CDH4: variants seen among roughly 807,000 people sequenced by gnomAD.
CDH4 encodes the protein cadherin-4.
Under a neutral mutation model 86.0 loss-of-function variants are expected in CDH4, and 33 were observed. That is an observed-to-expected ratio of 0.38 (90% CI 0.29 to 0.51). The LOEUF (loss-of-function observed/expected upper bound fraction) is 0.51, where lower values mean the gene tolerates loss of function less well. Ranked by LOEUF, CDH4 falls within the 20% of genes least tolerant of loss-of-function variation. CDH4 has a pLI of 0.86. For synonymous variants in CDH4, 555 were observed against 549.4 expected, an observed-to-expected ratio of 1.01 and a Z score of -0.14; for missense variants, 1,114 against 1,307.4, an observed-to-expected ratio of 0.85 and a Z score of 2.28.
At chr20:61,736,864 A>T (rs2088272647) in intron 2 of CDH4, among the ~76,000 whole-genome samples, 1 of 152,102 alleles carries the variant, frequency 6.6e-6, no homozygotes, top group African/African-American at 2.4e-5. Context: ...GAGGGAGACT[A>T]AGGCCCACAT....
At chr20:61,504,906 G>A (rs1455163952) in intron 2 of CDH4, among the ~76,000 whole-genome samples, 1 of 152,202 alleles carries the variant, frequency 6.6e-6, no homozygotes, top group Non-Finnish European at 1.5e-5. Flanking sequence ...GCTTGATTTA[G>A]AAGAAGTGTC....
chr20:61,578,277 T>C (rs1394358798), intron 2 of CDH4, among the ~76,000 whole-genome samples: 20 of 152,124 alleles, frequency 1.3e-4, no homozygotes, highest in Non-Finnish European at 2.9e-5. Flanking sequence ...GCCAGGGCAC[T>C]GGGGGGGAAT....
chr20:61,739,316 C>G (rs912655142), intron 2 of CDH4, among the ~76,000 whole-genome samples: 1 of 152,162 alleles, frequency 6.6e-6, no homozygotes, highest in Non-Finnish European at 1.5e-5. Flanking sequence ...GATGGGAGCC[C>G]CGGACCAGCC....
intron 13 of CDH4, among the ~76,000 whole-genome samples, chr20:61,930,988 G>A (rs925590527): frequency 6.6e-6 from 1 of 152,222 alleles, no homozygotes; most frequent in Non-Finnish European, 1.5e-5. Context: ...CAGCCGCAGT[G>A]GAGGGCATCC....
chr20:61,612,530 C>T (rs538970547), intron 2 of CDH4, among the ~76,000 whole-genome samples: 1 of 152,168 alleles, frequency 6.6e-6, no homozygotes, highest in South Asian at 2.1e-4. Context: ...CTCACACTTA[C>T]CCAACCAAGG....
At chr20:61,508,225 G>T (rs1568869911) in intron 2 of CDH4, among the ~76,000 whole-genome samples, 1 of 152,246 alleles carries the variant, frequency 6.6e-6, no homozygotes, top group Non-Finnish European at 1.5e-5. Flanking sequence ...ATGATTCTAT[G>T]TAGCAAAACA....
chr20:61,774,407 C>T (rs13044181), intron 4 of CDH4, among the ~76,000 whole-genome samples: 74,706 of 152,128 alleles, frequency 0.49, 18,880 homozygotes, highest in East Asian at 0.71. Flanking sequence ...ATGGCAGTGC[C>T]GTGGCCCCCA....
intron 8 of CDH4, among the ~76,000 whole-genome samples, chr20:61,910,109 G>T (rs1479338059): frequency 6.6e-6 from 1 of 152,238 alleles, no homozygotes. Context: ...GACACGGTGT[G>T]TTCTGTTTGT....
chr20:61,692,924 C>T (rs753315861), intron 2 of CDH4, among the ~76,000 whole-genome samples: 6 of 151,758 alleles, frequency 4.0e-5, no homozygotes, highest in African/African-American at 7.3e-5. Flanking sequence ...TTCCTGAAAG[C>T]CTTGAAGCTA....
chr20:61,932,476 C>T (rs567015573), intron 13 of CDH4, among the ~76,000 whole-genome samples: 6 of 152,256 alleles, frequency 3.9e-5, no homozygotes, highest in South Asian at 2.1e-4. Context: ...CATGCACTCA[C>T]GCCCCATGAG....
In CDH4 at chr20:61,331,859, G is replaced by A. The variant is rs571525443; in HGVS notation, c.169+76922G>A. On this transcript the variant is annotated intron_variant, in intron 2 of 15. Coordinates refer to ENST00000614565, the MANE Select transcript of CDH4 (RefSeq NM_001794.5). ...CCCTGGACCGCAAGCCCTTGCCGCCGTCCTTGGTGCTGAACGGTGCCTGGC... is the reference window on the plus strand; with the variant it reads ...CCCTGGACCGCAAGCCCTTGCCGCCATCCTTGGTGCTGAACGGTGCCTGGC... Among the ~76,000 whole-genome samples the A allele has an allele frequency of 3.3e-5, 5 of 152,252 alleles. No homozygotes were observed. The East Asian group carries it at 5.8e-4, about 18-fold the overall frequency.
chr20:61,331,636 G>GCCA (rs1568801119), intron 2 of CDH4, among the ~76,000 whole-genome samples: 27 of 40,480 alleles, frequency 6.7e-4, no homozygotes, highest in East Asian at 1.9e-3. Context: ...TCCTGCCCCA[G>GCCA]ACCCACCTCC....
chr20:61,731,772 C>T (rs147568982), intron 2 of CDH4, among the ~76,000 whole-genome samples: 3 of 152,274 alleles, frequency 2.0e-5, no homozygotes, highest in Non-Finnish European at 2.9e-5. Flanking sequence ...GGTTCTCAAA[C>T]TGTTGCAGGT....
intron 8 of CDH4, among the ~76,000 whole-genome samples, chr20:61,899,678 C>T (rs546036038): frequency 1.1e-4 from 16 of 152,256 alleles, no homozygotes; most frequent in Admixed American, 3.9e-4. Flanking sequence ...CCGCCCACCT[C>T]GGCCTCCCAA....
intron 2 of CDH4, among the ~76,000 whole-genome samples, chr20:61,579,602 A>C (rs2086410221): frequency 6.6e-6 from 1 of 151,926 alleles, no homozygotes; most frequent in African/African-American, 2.4e-5. Context: ...GGAGATCTTA[A>C]AGTCTACCCT....
intron 2 of CDH4, among the ~76,000 whole-genome samples, chr20:61,379,402 G>A (rs546493927): frequency 2.0e-5 from 3 of 151,946 alleles, no homozygotes; most frequent in Admixed American, 6.6e-5. Flanking sequence ...TGTACTTCTC[G>A]CTGTAAATAC....
intron 2 of CDH4, among the ~76,000 whole-genome samples, chr20:61,467,255 A>G (rs2085477644): frequency 6.6e-6 from 1 of 152,232 alleles, no homozygotes. Context: ...TACATCAAAT[A>G]AGTAAATAGC....
At chr20:61,797,048 G>T (rs1159120264) in intron 4 of CDH4, among the ~76,000 whole-genome samples, 1 of 150,842 alleles carries the variant, frequency 6.6e-6, no homozygotes, top group East Asian at 2.0e-4. Flanking sequence ...GTAAGAGGGG[G>T]TGAGAGCTGC....
intron 2 of CDH4, among the ~76,000 whole-genome samples, chr20:61,294,419 C>T (rs1158576617): frequency 6.6e-6 from 1 of 152,224 alleles, no homozygotes; most frequent in Non-Finnish European, 1.5e-5. Flanking sequence ...GAGATCCCCC[C>T]GGGGCAGGGC....
Sources: allele counts gnomAD v4.1 joint callset (sites outside exome capture counted in the v4.1 genomes callset), GRCh38; gene constraint gnomAD v4.1.1; transcripts MANE v1.5; gene names NCBI Gene and HGNC (gene_info 2026-07-23, HGNC 2026-07-21).